ATP6V1B2: variants seen among roughly 807,000 people sequenced by gnomAD.
ATP6V1B2 encodes the protein V-type proton ATPase subunit B, brain isoform.
ATP6V1B2 carries 23 observed loss-of-function variants against 66.7 expected under a neutral mutation model. That is an observed-to-expected ratio of 0.34 (90% confidence interval 0.25 to 0.49). The LOEUF (loss-of-function observed/expected upper bound fraction) is 0.49. Ranked by LOEUF, ATP6V1B2 falls within the 20% of genes least tolerant of loss-of-function variation. The pLI, the probability that ATP6V1B2 is intolerant of heterozygous loss-of-function variation, is 0.99. For missense variants in ATP6V1B2, 478 were observed against 650.8 expected (o/e 0.73, Z 2.89); for synonymous variants, 278 against 236.7 (o/e 1.17, Z -1.60).
chr8:20,199,009 A>T (rs372470684), intron 1 of ATP6V1B2, among the ~76,000 whole-genome samples: 3 of 152,340 alleles, frequency 2.0e-5, no homozygotes, highest in African/African-American at 7.2e-5. Flanking sequence ...ACAGATAGAC[A>T]TTAGTGGTGC....
At position 20,212,859 on chromosome 8, in the gene ATP6V1B2, T is replaced by C; in HGVS notation, c.881T>C (p.Leu294Ser). 2 of 1,613,814 alleles carry C rather than the reference T, an allele frequency of 1.2e-6. No individual in the cohort carries two copies. The highest frequency in any genetic ancestry group is 2.2e-5 in the South Asian group (2 of 91,084). Residue 294 changes from leucine (L) to serine (S), a missense_variant, in exon 9 of 14, where the codon TTG (leucine) becomes TCG (serine). By Grantham distance (145) the Leu-to-Ser change is moderately radical. Around this residue, in one of 2 missense-constraint regions of ATP6V1B2, gnomAD observed 326 missense variants for 545.6 expected, o/e 0.60. Transcript: ENST00000276390. The part of the protein sequence containing the change: ...FLAYQCEKHV[L>S]VILTDMSSYA... ...GCGTACCAATGTGAGAAACATGTAT[T>C]GGTTATTCTAACAGACATGAGTTCT... is the stretch of plus-strand genomic sequence containing the variant.
chr8:20,218,018 T>C, intron 12 of ATP6V1B2, 135 bp from the exon 13 acceptor site: 1 of 1,212,488 alleles, frequency 8.2e-7, no homozygotes, highest in Admixed American at 2.6e-5. Flanking sequence ...TTCATATGAA[T>C]TTTATGTGAA....
chr8:20,197,670 C>T (rs2128884068), intron 1 of ATP6V1B2, 128 bp downstream of exon 1: 1 of 1,178,178 alleles, frequency 8.5e-7, no homozygotes, highest in South Asian at 3.4e-5. Context: ...CCCTCCGACC[C>T]TGACCCACTT....
chr8:20,199,882 A>T lies in ATP6V1B2; in HGVS notation c.136+2340A>T, dbSNP rs148485361. Among the ~76,000 whole-genome samples the T allele has an allele frequency of 8.9e-3, 1,354 of 152,238 alleles. 28 individuals carry two copies. Among genetic ancestry groups the T allele is most frequent in the African/African-American group, 0.031 (1,281 of 41,480 alleles). On this transcript the variant is annotated intron_variant, in intron 1 of 13. Coordinates refer to ENST00000276390, the MANE Select transcript of ATP6V1B2 (RefSeq NM_001693.4). ...TACCTAGGCCTCCCAAAGTGCTGGGATAACAGGCATGAGCCACCACGCCCA... is the reference window on the plus strand; with the variant it reads ...TACCTAGGCCTCCCAAAGTGCTGGGTTAACAGGCATGAGCCACCACGCCCA...
At chr8:20,211,774 A>C (rs768562483) in intron 7 of ATP6V1B2, 21 bp downstream of exon 7, 1 of 1,564,722 alleles carries the variant, frequency 6.4e-7, no homozygotes, top group Non-Finnish European at 8.7e-7. Context: ...TTTTTGTTTT[A>C]GTATGATATG....
intron 6 of ATP6V1B2, 52 bp downstream of exon 6, chr8:20,211,368 A>C: frequency 6.3e-7 from 1 of 1,586,156 alleles, no homozygotes; most frequent in South Asian, 1.1e-5. Context: ...GAATTTCTAT[A>C]ATGCATCACT....
chr8:20,204,553 C>G lies in ATP6V1B2; in HGVS notation c.192+14C>G. 5 of 1,601,242 alleles carry G rather than the reference C, an allele frequency of 3.1e-6. No homozygotes were observed. Among genetic ancestry groups the G allele is most frequent in the Non-Finnish European group, 3.4e-6 (4 of 1,169,152 alleles). On this transcript the variant is annotated intron_variant, in intron 2 of 13. Coordinates refer to ENST00000276390, the MANE Select transcript of ATP6V1B2 (RefSeq NM_001693.4). ...GATCATGTTAAGGTAATACCACTAT[C>G]TGTTTTGGTCTATTTATGTAGTTAA...
chr8:20,200,968 C>T (rs969248609), intron 1 of ATP6V1B2, among the ~76,000 whole-genome samples: 6 of 152,160 alleles, frequency 3.9e-5, no homozygotes, highest in South Asian at 2.1e-4. Context: ...CTGAGTATTT[C>T]GTAATCATTA....
At chr8:20,208,280 C>T (rs2072758027) in intron 2 of ATP6V1B2, among the ~76,000 whole-genome samples, 1 of 152,158 alleles carries the variant, frequency 6.6e-6, no homozygotes. Context: ...TAGAACTCCA[C>T]TGGTAAAAGA....
rs1395455782 is a variant in ATP6V1B2 at position 20,221,088 on chromosome 8, A to AC, written c.*690dup. ...CTGGTATCTGTCTGGTAGCAGTGAGACCCCTTGTCTTGGTGATCCTTACTG... is the reference window on the plus strand; with the variant it reads ...CTGGTATCTGTCTGGTAGCAGTGAGACCCCCTTGTCTTGGTGATCCTTACTG... On this transcript the variant is annotated 3_prime_UTR_variant, in exon 14 of 14. Coordinates refer to ENST00000276390, the MANE Select transcript of ATP6V1B2 (RefSeq NM_001693.4). 3.3e-5 allele frequency: 5 copies of AC among 151,980 alleles called. No individual in the cohort carries two copies. The highest frequency in any genetic ancestry group is 4.8e-5 in the African/African-American group (2 of 41,356). 9.4% of individuals were successfully genotyped at this position (151,980 alleles called of 1,614,324 possible). A position where few individuals can be genotyped will look rare whatever the true frequency, so the allele number is the denominator to read the frequency against.
intron 9 of ATP6V1B2, 49 bp downstream of exon 9, chr8:20,212,954 C>T (rs2072810845): frequency 1.2e-6 from 2 of 1,609,588 alleles, no homozygotes; most frequent in African/African-American, 1.3e-5. Flanking sequence ...GGTTAATTTT[C>T]AGGGTTAACT....
At chr8:20,208,575 T>C (rs1200835521) in intron 2 of ATP6V1B2, among the ~76,000 whole-genome samples, 1 of 152,168 alleles carries the variant, frequency 6.6e-6, no homozygotes, top group Non-Finnish European at 1.5e-5. Flanking sequence ...ATCACCAAAC[T>C]TCATTTTTTG....
rs2072802728 is a variant in ATP6V1B2, at chr8:20,212,260, G to A, written c.803+61G>A. 32 of 1,515,862 alleles carry A rather than the reference G, an allele frequency of 2.1e-5. No homozygotes were observed. In the South Asian group the frequency reaches 3.2e-4, roughly 15 times the overall value. 93.9% of individuals were successfully genotyped at this position (1,515,862 alleles called of 1,614,324 possible). ...CTCGGGATCAAAAGTGTGTCTTAAG[G>A]TTGGGGAGGTAAAATGTGGTAATAA... On this transcript the variant is annotated intron_variant, in intron 8 of 13. Transcript: ENST00000276390.
chr8:20,198,288 C>T (rs2072649256), intron 1 of ATP6V1B2, among the ~76,000 whole-genome samples: 1 of 152,224 alleles, frequency 6.6e-6, no homozygotes, highest in Non-Finnish European at 1.5e-5. Flanking sequence ...CCTTTTTCTA[C>T]CGTTGCCTCT....
Position 20,210,654 on chromosome 8 carries a change from CA to C in ATP6V1B2, c.463+9del, listed in dbSNP as rs769137965. The C allele has an allele frequency of 6.2e-7, 1 of 1,606,302 alleles. No individual in the cohort carries two copies. The highest frequency in any genetic ancestry group is 1.3e-5 in the African/African-American group (1 of 74,830). On this transcript the variant is annotated intron_variant, in intron 5 of 13. Transcript: ENST00000276390. ...ACTTCCTTGATATCATGGGTAGGTA[CA>C]GTAGATGGATTGCTGTGTTTGGGAG...
At chr8:20,204,155 C>T (rs979964164) in intron 1 of ATP6V1B2, 12 of 383,056 alleles carry the variant, frequency 3.1e-5, no homozygotes, top group South Asian at 2.0e-4. Context: ...GCCCTTATCT[C>T]ATCACATTCT....
chr8:20,218,093 C>T (rs1479683110), intron 12 of ATP6V1B2, 60 bp from the exon 13 acceptor site: 6 of 1,590,332 alleles, frequency 3.8e-6, no homozygotes, highest in African/African-American at 1.4e-5. Flanking sequence ...TTCCTATATC[C>T]CAGATGACTG....
Position 20,197,428 on chromosome 8 carries a change from G to C in ATP6V1B2, c.22G>C (p.Gly8Arg). The change falls in exon 1 of 14, where the codon GGG becomes CGG. Residue 8 changes from glycine to arginine, a missense_variant. Coordinates refer to ENST00000276390, the MANE Select transcript of ATP6V1B2 (RefSeq NM_001693.4). ...CAAGATGGCGCTGCGGGCGATGCGG[G>C]GGATTGTCAACGGGGCCGCACCCGA... The part of the protein sequence containing the change: MALRAMR[G>R]IVNGAAPELP... 1 of 1,545,110 alleles carries C rather than the reference G, an allele frequency of 6.5e-7. No homozygotes were observed. Among genetic ancestry groups the C allele is most frequent in the Non-Finnish European group, 8.7e-7 (1 of 1,147,792 alleles).
At chr8:20,203,942 G>A (rs1253307828) in intron 1 of ATP6V1B2, 1 of 453,594 alleles carries the variant, frequency 2.2e-6, no homozygotes. Flanking sequence ...ATTTAATTGT[G>A]GCTTTTTACC....
Sources: allele counts gnomAD v4.1 joint callset (sites outside exome capture counted in the v4.1 genomes callset), GRCh38; gene constraint gnomAD v4.1.1; regional missense constraint gnomAD v4.1.1; transcripts MANE v1.5; gene names NCBI Gene and HGNC (gene_info 2026-07-23, HGNC 2026-07-21).